Variants in EIF3B observed in about 807,000 individuals in gnomAD.
EIF3B encodes the protein eukaryotic translation initiation factor 3 subunit 9.
In EIF3B, 10 loss-of-function variants were observed where a neutral mutation model predicts 104.6. That is an observed-to-expected ratio of 0.10 (90% confidence interval 0.06 to 0.16). The LOEUF (loss-of-function observed/expected upper bound fraction) is 0.16, where lower values mean the gene tolerates loss of function less well. Among genes scored for constraint, EIF3B ranks in the 10% least tolerant of loss-of-function variants. The pLI is 1.00. For missense variants in EIF3B, 1,014 were observed against 1,087.9 expected (o/e 0.93, Z 0.96); for synonymous variants, 542 against 417.2 (o/e 1.30, Z -3.65).
At chr7:2,367,230 C>A in intron 9 of EIF3B, 185 bp downstream of exon 9, 1 of 565,204 alleles carries the variant, frequency 1.8e-6, no homozygotes, top group Non-Finnish European at 3.1e-6. Context: ...GACGGCCCAC[C>A]TCCCTCCTAG....
chr7:2,359,453 G>A (rs1449044772), intron 1 of EIF3B, among the ~76,000 whole-genome samples: 3 of 152,188 alleles, frequency 2.0e-5, no homozygotes, highest in Non-Finnish European at 4.4e-5. Context: ...CAGGTTCAGG[G>A]GCTCCATGCA....
intron 9 of EIF3B, among the ~76,000 whole-genome samples, chr7:2,367,868 G>A (rs992083291): frequency 1.1e-5 from 1 of 90,570 alleles, no homozygotes; most frequent in African/African-American, 5.3e-5. Context: ...TTGAGGCAGA[G>A]TCTTACTCTG....
intron 6 of EIF3B, among the ~76,000 whole-genome samples, chr7:2,364,905 T>C (rs1166546425): frequency 6.6e-6 from 1 of 152,272 alleles, no homozygotes; most frequent in Non-Finnish European, 1.5e-5. Flanking sequence ...AATAATGTTC[T>C]GTATAATACT....
intron 13 of EIF3B, 130 bp downstream of exon 13, chr7:2,374,736 A>G (rs1046452089): frequency 2.6e-6 from 2 of 780,750 alleles, no homozygotes; most frequent in Admixed American, 2.7e-5. Flanking sequence ...CCCCAGTGTC[A>G]GTGGATAGGA....
At chr7:2,355,591 T>G (rs937320175) in intron 1 of EIF3B, among the ~76,000 whole-genome samples, 171 bp downstream of exon 1, 2 of 152,078 alleles carry the variant, frequency 1.3e-5, no homozygotes, top group South Asian at 2.1e-4. Context: ...CCTGGAAGTG[T>G]TCTGAGAGCC....
chr7:2,362,273 A>C (rs1024040625), intron 2 of EIF3B, among the ~76,000 whole-genome samples: 2 of 152,048 alleles, frequency 1.3e-5, no homozygotes, highest in African/African-American at 4.8e-5. Context: ...ATTTTTTTTT[A>C]AACAGCTTTA....
chr7:2,370,837 A>T (rs1780293977), intron 10 of EIF3B, among the ~76,000 whole-genome samples: 1 of 152,194 alleles, frequency 6.6e-6, no homozygotes, highest in Admixed American at 6.5e-5. Flanking sequence ...GCACTTTGGG[A>T]GGCTGAGGCG....
rs1562491960 is a variant in EIF3B at position 2,377,034 on chromosome 7, C to T, written c.2113C>T (p.Arg705Trp). ...GGACCGCTTCTGCCAGCTGCTGTGG[C>T]GGCCCCGGCCTCCCACACTCCTGAG... ...NKDRFCQLLW[R>W]PRPPTLLSQE... The change falls in exon 15 of 19, where the codon CGG becomes TGG. Residue 705 changes from arginine to tryptophan, a missense_variant. Coordinates refer to ENST00000360876, the MANE Select transcript of EIF3B (RefSeq NM_001037283.2). 6.2e-7 allele frequency: 1 copy of T among 1,613,684 alleles called. No individual in the cohort carries two copies. The highest frequency in any genetic ancestry group is 8.5e-7 in the Non-Finnish European group (1 of 1,179,974).
rs550619917 is a variant in EIF3B, at chr7:2,360,047, A to T, written c.500-663A>T. Among the ~76,000 whole-genome samples the T allele has an allele frequency of 2.0e-5, 3 of 152,240 alleles. No homozygotes were observed. In the East Asian group the frequency reaches 5.8e-4, roughly 29 times the overall value. ...AGAGAGGTGGGGAAGCTCACCCCAGACGCGCTTCCTCTTTGGGTTTTTTCC... is the reference window on the plus strand; with the variant it reads ...AGAGAGGTGGGGAAGCTCACCCCAGTCGCGCTTCCTCTTTGGGTTTTTTCC... On this transcript the variant is annotated intron_variant, in intron 1 of 18. Transcript: ENST00000360876.
At position 2,355,105 on chromosome 7, in the gene EIF3B, C is replaced by T. The variant is rs1452475940; in HGVS notation, c.184C>T (p.Pro62Ser). ...SEEVGIAEAGPESEVRTEPAA... is the reference protein window; with the variant it reads ...SEEVGIAEAGSESEVRTEPAA... The stretch of plus-strand genomic sequence containing the variant: ...GGAGGTGGGGATCGCGGAGGCCGGG[C>T]CGGAGTCCGAGGTGAGGACCGAGCC... Residue 62 changes from proline to serine, a missense_variant, in exon 1 of 19, where the codon CCG becomes TCG. Around this residue, in one of 4 missense-constraint regions of EIF3B, gnomAD observed 488 missense variants for 404.3 expected, o/e 1.21. Coordinates refer to ENST00000360876, the MANE Select transcript of EIF3B (RefSeq NM_001037283.2). 2.2e-6 allele frequency: 3 copies of T among 1,354,498 alleles called. No individual in the cohort carries two copies. The highest frequency in any genetic ancestry group is 3.9e-5 in the Admixed American group (1 of 25,370). The allele number at this position is 1,354,498 out of a possible 1,614,324, so 83.9% of individuals were successfully genotyped here.
intron 1 of EIF3B, among the ~76,000 whole-genome samples, chr7:2,358,204 C>T (rs1420116858): frequency 6.6e-6 from 1 of 152,160 alleles, no homozygotes; most frequent in Non-Finnish European, 1.5e-5. Flanking sequence ...CTGCCTCAGC[C>T]TCCCAAGTAG....
Position 2,355,294 on chromosome 7 carries a change from T to C in EIF3B, c.373T>C (p.Ser125Pro). The change falls in exon 1 of 19, where the codon TCC becomes CCC. Residue 125 changes from serine (S) to proline (P), a missense_variant. Ser to Pro is a moderately conservative substitution (Grantham distance 74). This residue lies in a region of EIF3B where 488 missense variants were observed against 404.3 expected (regional missense o/e 1.21). Coordinates refer to ENST00000360876, the MANE Select transcript of EIF3B (RefSeq NM_001037283.2). ...CTCCGACAGCCGGGCCCAGGCGGTG[T>C]CCGAGGACGCGGGAGGAAACGAGGG... ...ERSDSRAQAV[S>P]EDAGGNEGRA... 6.5e-7 allele frequency: 1 copy of C among 1,537,972 alleles called. No homozygotes were observed. The highest frequency in any genetic ancestry group is 8.7e-7 in the Non-Finnish European group (1 of 1,149,340).
chr7:2,372,843 A>G (rs1357263356), intron 12 of EIF3B, 48 bp downstream of exon 12: 8 of 1,592,882 alleles, frequency 5.0e-6, no homozygotes, highest in Middle Eastern at 1.7e-4. Context: ...AGCACAGATG[A>G]TGACCCAGTC....
chr7:2,359,096 TC>T (rs1422287722), intron 1 of EIF3B, among the ~76,000 whole-genome samples: 6 of 152,168 alleles, frequency 3.9e-5, no homozygotes, highest in Middle Eastern at 3.4e-3. Context: ...TTGTATATTC[TC>T]CAGTCTCCTA....
chr7:2,360,616 T>C (rs1170108940), intron 1 of EIF3B, 94 bp from the exon 2 acceptor site: 1 of 1,023,252 alleles, frequency 9.8e-7, no homozygotes, highest in Admixed American at 2.8e-5. Context: ...AGACAATTCA[T>C]TGTCTCTTCT....
chr7:2,369,840 G>A (rs984041848), intron 10 of EIF3B, among the ~76,000 whole-genome samples, 158 bp downstream of exon 10: 8 of 126,362 alleles, frequency 6.3e-5, no homozygotes, highest in East Asian at 2.4e-4. Context: ...GCAGGAGTGC[G>A]ATTTCGGCTC....
rs751008374 is a variant in EIF3B, at chr7:2,363,058, T to A, written c.813-12T>A. On this transcript the variant is annotated splice_polypyrimidine_tract_variant and intron_variant, in intron 3 of 18. Transcript: ENST00000360876. The stretch of plus-strand genomic sequence containing the variant: ...CAGGGCGTGGGGCTCAGCAGTCTCC[T>A]TTCTTCTCCAGGTATATGACGATCA... The A allele has an allele frequency of 1.3e-5, 21 of 1,613,916 alleles. 2 individuals carry two copies. The South Asian group carries it at 2.3e-4, about 18-fold the overall frequency.
chr7:2,357,194 G>A (rs1449293117), intron 1 of EIF3B, among the ~76,000 whole-genome samples: 1 of 152,208 alleles, frequency 6.6e-6, no homozygotes, highest in Non-Finnish European at 1.5e-5. Flanking sequence ...GATTACTTCT[G>A]GAATTGGGAA....
At chr7:2,367,238 T>G in intron 9 of EIF3B, 193 bp downstream of exon 9, 1 of 550,448 alleles carries the variant, frequency 1.8e-6, no homozygotes, top group Non-Finnish European at 3.2e-6. Context: ...ACCTCCCTCC[T>G]AGTGGACAGC....
Sources: allele counts gnomAD v4.1 joint callset (sites outside exome capture counted in the v4.1 genomes callset), GRCh38; gene constraint gnomAD v4.1.1; regional missense constraint gnomAD v4.1.1; transcripts MANE v1.5; gene names NCBI Gene and HGNC (gene_info 2026-07-23, HGNC 2026-07-21).